Variants in KBTBD11 observed in about 807,000 individuals in gnomAD.
The protein encoded by KBTBD11 is kelch repeat and BTB domain-containing protein 11.
For synonymous variants in KBTBD11, 747 were observed against 499.0 expected (o/e 1.50, Z -6.63); for missense variants, 1,390 against 1,001.8 (o/e 1.39, Z -5.23).
intron 1 of KBTBD11, among the ~76,000 whole-genome samples, chr8:1,988,796 C>G (rs954284850): frequency 1.3e-4 from 20 of 152,088 alleles, no homozygotes; most frequent in African/African-American, 4.6e-4. Flanking sequence ...GGCGCGCTGT[C>G]TGGCACATTG....
intron 1 of KBTBD11, among the ~76,000 whole-genome samples, chr8:1,989,204 A>T (rs1306260969): frequency 6.6e-6 from 1 of 152,200 alleles, no homozygotes. Context: ...GGAAGGGCAG[A>T]TGCTTCCTAT....
In KBTBD11 at chr8:2,005,097, T is replaced by G. The variant is rs1817531500; in HGVS notation, c.*2033T>G. 6.0e-6 allele frequency: 1 copy of G among 166,934 alleles called. No individual in the cohort carries two copies. Among genetic ancestry groups the G allele is most frequent in the South Asian group, 2.1e-4 (1 of 4,814 alleles). 10.3% of individuals were successfully genotyped at this position (166,934 alleles called of 1,614,324 possible). On this transcript the variant is annotated 3_prime_UTR_variant, in exon 2 of 2. Coordinates refer to ENST00000320248, the MANE Select transcript of KBTBD11 (RefSeq NM_014867.3). ...TGTCCCCGGAAAAGGATATGAGAAG[T>G]GGTGGATGTTGGATGGGGGTGGTTG...
intron 1 of KBTBD11, among the ~76,000 whole-genome samples, chr8:1,980,861 G>C (rs1382528374): frequency 6.6e-6 from 1 of 152,222 alleles, no homozygotes; most frequent in Non-Finnish European, 1.5e-5. Context: ...CAAGCTGAAT[G>C]ACCACAGAAA....
At chr8:1,976,876 C>G (rs140966635) in intron 1 of KBTBD11, among the ~76,000 whole-genome samples, 4 of 152,170 alleles carry the variant, frequency 2.6e-5, no homozygotes, top group African/African-American at 4.8e-5. Flanking sequence ...GTGGTGAGGA[C>G]TAGAGCACGG....
intron 1 of KBTBD11, among the ~76,000 whole-genome samples, chr8:1,982,186 G>C (rs1364564228): frequency 2.0e-5 from 3 of 152,164 alleles, no homozygotes; most frequent in Non-Finnish European, 4.4e-5. Flanking sequence ...GCTTAAAATA[G>C]ACTGTTACAA....
At chr8:1,989,733 C>T (rs918474667) in intron 1 of KBTBD11, among the ~76,000 whole-genome samples, 6 of 152,272 alleles carry the variant, frequency 3.9e-5, no homozygotes, top group Non-Finnish European at 5.9e-5. Context: ...ACGAGTGCCC[C>T]CTCACCTCCC....
chr8:1,977,665 A>G (rs1044441078), intron 1 of KBTBD11, among the ~76,000 whole-genome samples: 9 of 150,278 alleles, frequency 6.0e-5, no homozygotes, highest in Admixed American at 4.7e-4. Context: ...CTGGGATTAC[A>G]GGCGCCCTCC....
At chr8:1,987,740 A>ATTATTG (rs1161950009) in intron 1 of KBTBD11, among the ~76,000 whole-genome samples, 83 of 151,432 alleles carry the variant, frequency 5.5e-4, no homozygotes, top group African/African-American at 1.5e-3. Flanking sequence ...TATTATTATT[A>ATTATTG]TTATTATTAT....
At position 2,001,015 on chromosome 8, in the gene KBTBD11, C is replaced by T. The variant is rs1395014504; in HGVS notation, c.-178C>T. On this transcript the variant is annotated 5_prime_UTR_variant, in exon 2 of 2. Coordinates refer to ENST00000320248, the MANE Select transcript of KBTBD11 (RefSeq NM_014867.3). ...GGGCAAAGGCGAGGCGGGGGAGCAG[C>T]GTGTGAGATTCCCCCCTTCACACAC... is the stretch of plus-strand genomic sequence containing the variant. The T allele has an allele frequency of 1.6e-5, 13 of 815,314 alleles. No individual in the cohort carries two copies. The highest frequency in any genetic ancestry group is 4.1e-4 in the Middle Eastern group (1 of 2,448). 50.5% of individuals were successfully genotyped at this position (815,314 alleles called of 1,614,324 possible). A position where few individuals can be genotyped will look rare whatever the true frequency, so the allele number is the denominator to read the frequency against.
Position 2,001,896 on chromosome 8 carries a change from A to T in KBTBD11, c.704A>T (p.Asn235Ile). Residue 235 changes from asparagine (N) to isoleucine (I), a missense_variant, in exon 2 of 2, where the codon AAC becomes ATC. Coordinates refer to ENST00000320248, the MANE Select transcript of KBTBD11 (RefSeq NM_014867.3). ...DAVGPQLSLA[N>I]CYEVLSAAKR... ...GTGGGGCCGCAGCTGAGCCTGGCCA[A>T]CTGCTACGAGGTCCTGAGCGCGGCC... 1 of 1,415,642 alleles carries T rather than the reference A, an allele frequency of 7.1e-7. No individual in the cohort carries two copies. The allele number at this position is 1,415,642 out of a possible 1,614,324, so 87.7% of individuals were successfully genotyped here.
chr8:1,980,227 ACT>A (rs1491238699), intron 1 of KBTBD11, among the ~76,000 whole-genome samples: 2 of 60,440 alleles, frequency 3.3e-5, no homozygotes, highest in Admixed American at 1.9e-4. Flanking sequence ...TGATAATCAA[ACT>A]TTTTTTTTTT....
Position 1,973,709 on chromosome 8 carries a change from C to G in KBTBD11, c.-1135C>G, listed in dbSNP as rs970102596. On this transcript the variant is annotated 5_prime_UTR_variant, in exon 1 of 2. Transcript: ENST00000320248. ...GCGCGCGCCCCTCGCAGCCTGGAGC[C>G]GGAGCGCTGGCTCCGCGCGGCCTGG... The G allele has an allele frequency of 8.1e-6, 8 of 983,812 alleles. No individual in the cohort carries two copies. Among genetic ancestry groups the G allele is most frequent in the Non-Finnish European group, 9.6e-6 (8 of 829,324 alleles). The allele number at this position is 983,812 out of a possible 1,614,324, so 60.9% of individuals were successfully genotyped here. A position where few individuals can be genotyped will look rare whatever the true frequency, so the allele number is the denominator to read the frequency against.
intron 1 of KBTBD11, chr8:1,974,557 G>A (rs1816256282): frequency 2.0e-6 from 2 of 985,160 alleles, no homozygotes; most frequent in East Asian, 1.1e-4. Context: ...CCCGGGGTGC[G>A]GGGGTGTCCT....
chr8:1,997,151 G>A (rs1002740910), intron 1 of KBTBD11, among the ~76,000 whole-genome samples: 3 of 152,166 alleles, frequency 2.0e-5, no homozygotes, highest in Non-Finnish European at 2.9e-5. Context: ...GGGGGTGGGC[G>A]AGTTTCAGTA....
chr8:1,985,924 T>C (rs944363968), intron 1 of KBTBD11, among the ~76,000 whole-genome samples: 1 of 152,242 alleles, frequency 6.6e-6, no homozygotes, highest in Non-Finnish European at 1.5e-5. Flanking sequence ...CAAGGTATAA[T>C]TGTAGACACA....
At chr8:1,983,283 C>T (rs1466529063) in intron 1 of KBTBD11, among the ~76,000 whole-genome samples, 3 of 152,216 alleles carry the variant, frequency 2.0e-5, no homozygotes, top group African/African-American at 4.8e-5. Context: ...AAAAGGATGA[C>T]CTCATCTAGG....
chr8:1,988,900 G>C (rs1338902878), intron 1 of KBTBD11, among the ~76,000 whole-genome samples: 1 of 149,954 alleles, frequency 6.7e-6, no homozygotes, highest in Non-Finnish European at 1.5e-5. Flanking sequence ...AAATCTAACA[G>C]ATTGACAGTT....
At chr8:1,990,326 G>A in intron 1 of KBTBD11, among the ~76,000 whole-genome samples, 1 of 144,866 alleles carries the variant, frequency 6.9e-6, no homozygotes, top group Non-Finnish European at 1.5e-5. Flanking sequence ...GGGCCTTGGT[G>A]CCCTGTCTGG....
At chr8:1,987,021 A>AAAAC (rs1563367140) in intron 1 of KBTBD11, among the ~76,000 whole-genome samples, 6 of 120,770 alleles carry the variant, frequency 5.0e-5, no homozygotes, top group African/African-American at 1.3e-4. Flanking sequence ...AAAAAAAAAA[A>AAAAC]AAAAAAAAAA....
Sources: allele counts gnomAD v4.1 joint callset (sites outside exome capture counted in the v4.1 genomes callset), GRCh38; gene constraint gnomAD v4.1.1; transcripts MANE v1.5; gene names NCBI Gene and HGNC (gene_info 2026-07-23, HGNC 2026-07-21).